ADAMTSL3: variants seen among roughly 807,000 people sequenced by gnomAD.
The protein encoded by ADAMTSL3 is ADAMTS-like protein 3.
A neutral mutation model predicts 201.7 loss-of-function variants in ADAMTSL3; 128 were observed. The ratio of observed to expected loss-of-function variants is 0.63; its 90% CI spans 0.55 to 0.73. The LOEUF is 0.73. ADAMTSL3 is among the 30% of genes least tolerant of loss of function. ADAMTSL3 has a pLI of 0.00. For synonymous variants in ADAMTSL3, 738 were observed against 748.4 expected, an observed-to-expected ratio of 0.99 and a Z score of 0.23; for missense variants, 1,990 against 2,119.6, an observed-to-expected ratio of 0.94 and a Z score of 1.20.
chr15:83,801,639 TATATAAATATAA>T (rs1217171252), intron 4 of ADAMTSL3, among the ~76,000 whole-genome samples: 3 of 29,986 alleles, frequency 1.0e-4, no homozygotes, highest in Admixed American at 5.6e-4. Context: ...TATATATAAA[TATATAAATATAA>T]ATATATATAT....
intron 23 of ADAMTSL3, among the ~76,000 whole-genome samples, chr15:84,006,887 A>G (rs567932643): frequency 3.9e-5 from 6 of 152,308 alleles, no homozygotes; most frequent in South Asian, 2.1e-4. Context: ...GGAGTTCACT[A>G]TGGGACTTAC....
At chr15:84,014,456 C>T in intron 23 of ADAMTSL3, 86 bp from the exon 24 acceptor site, 1 of 1,287,094 alleles carries the variant, frequency 7.8e-7, no homozygotes, top group Non-Finnish European at 1.1e-6. Context: ...GACTTACGGT[C>T]AAAACAGTGA....
rs1322123142 is a variant in ADAMTSL3 at position 83,917,415 on chromosome 15, G to GTGTA, written c.1987+4040_1987+4041insATGT. 1.1e-3 allele frequency among the ~76,000 whole-genome samples: 119 copies of GTGTA among 107,608 alleles called. 1 individual carries two copies. Among genetic ancestry groups the GTGTA allele is most frequent in the African/African-American group, 4.3e-3 (110 of 25,618 alleles). 70.6% of individuals were successfully genotyped at this position (107,608 alleles called of 152,430 possible). ...GACACCAATCTCCAGCTTCCAAAGT[G>GTGTA]TGTGTATGTATGTATGTATGTATGT... is the stretch of plus-strand genomic sequence containing the variant. On this transcript the variant is annotated intron_variant, in intron 16 of 29. Transcript: ENST00000286744.
intron 8 of ADAMTSL3, among the ~76,000 whole-genome samples, chr15:83,866,085 T>C (rs569187634): frequency 4.1e-4 from 63 of 152,254 alleles, no homozygotes; most frequent in African/African-American, 1.3e-3. Flanking sequence ...GTTAGAATGG[T>C]GATCATTAAA....
intron 4 of ADAMTSL3, among the ~76,000 whole-genome samples, chr15:83,791,654 C>T (rs952581708): frequency 8.2e-4 from 124 of 152,124 alleles, no homozygotes; most frequent in African/African-American, 3.0e-3. Flanking sequence ...GTCAGGAGAT[C>T]GAGACCATCC....
chr15:83,944,693 C>G (rs944082331), intron 19 of ADAMTSL3, among the ~76,000 whole-genome samples: 1 of 152,208 alleles, frequency 6.6e-6, no homozygotes, highest in South Asian at 2.1e-4. Context: ...GTATACACTC[C>G]TGTCTTTTAT....
intron 23 of ADAMTSL3, among the ~76,000 whole-genome samples, chr15:84,011,320 A>G (rs2068002388): frequency 6.6e-6 from 1 of 152,252 alleles, no homozygotes; most frequent in Non-Finnish European, 1.5e-5. Flanking sequence ...ATCATGCTTA[A>G]GAAAGAAACA....
At chr15:83,999,918 A>C (rs1039313414) in intron 23 of ADAMTSL3, among the ~76,000 whole-genome samples, 2 of 152,182 alleles carry the variant, frequency 1.3e-5, no homozygotes, top group African/African-American at 2.4e-5. Context: ...GTGGTGCAGC[A>C]GGATTATGTG....
At chr15:83,699,461 A>G (rs2061737181) in intron 2 of ADAMTSL3, among the ~76,000 whole-genome samples, 1 of 151,992 alleles carries the variant, frequency 6.6e-6, no homozygotes, top group Admixed American at 6.6e-5. Context: ...CCCCTTCTCT[A>G]CTGCCATCAT....
intron 21 of ADAMTSL3, among the ~76,000 whole-genome samples, chr15:83,987,040 C>T (rs2067493490): frequency 6.6e-6 from 1 of 152,104 alleles, no homozygotes; most frequent in Non-Finnish European, 1.5e-5. Flanking sequence ...CTGAAACCTA[C>T]AAAACAAAGG....
At chr15:83,695,859 T>C (rs2061681504) in intron 2 of ADAMTSL3, among the ~76,000 whole-genome samples, 1 of 152,114 alleles carries the variant, frequency 6.6e-6, no homozygotes, top group Non-Finnish European at 1.5e-5. Flanking sequence ...CAAAATGATC[T>C]GGAAGGTTTA....
chr15:83,786,915 A>T (rs565121075), intron 4 of ADAMTSL3, among the ~76,000 whole-genome samples: 2 of 152,176 alleles, frequency 1.3e-5, no homozygotes, highest in Non-Finnish European at 2.9e-5. Flanking sequence ...TTGAGAAGGG[A>T]TAATGACTTC....
intron 5 of ADAMTSL3, among the ~76,000 whole-genome samples, chr15:83,810,419 C>T (rs1216628475): frequency 6.6e-6 from 1 of 152,202 alleles, no homozygotes; most frequent in African/African-American, 2.4e-5. Flanking sequence ...CATGTGGGTG[C>T]ATTAGCAACC....
At chr15:83,797,695 A>G (rs1460328484) in intron 4 of ADAMTSL3, among the ~76,000 whole-genome samples, 1 of 152,236 alleles carries the variant, frequency 6.6e-6, no homozygotes, top group Non-Finnish European at 1.5e-5. Context: ...ACCTAGATGT[A>G]TAAAAATAAG....
intron 3 of ADAMTSL3, among the ~76,000 whole-genome samples, chr15:83,759,484 C>T (rs964304809): frequency 1.3e-5 from 2 of 152,172 alleles, no homozygotes; most frequent in African/African-American, 4.8e-5. Flanking sequence ...CTTGGCCTCC[C>T]AAAGTGCTGG....
intron 4 of ADAMTSL3, among the ~76,000 whole-genome samples, chr15:83,803,631 A>C (rs1193161359): frequency 6.6e-6 from 1 of 152,168 alleles, no homozygotes; most frequent in African/African-American, 2.4e-5. Flanking sequence ...ACAGACAAGC[A>C]CTGGACTGAG....
chr15:83,704,328 T>G, intron 2 of ADAMTSL3, 61 bp from the exon 3 acceptor site: 6 of 1,610,420 alleles, frequency 3.7e-6, no homozygotes, highest in Non-Finnish European at 5.1e-6. Context: ...CTTCTTGGAC[T>G]TTACCTGTCA....
At chr15:83,908,295 A>C (rs1376197785) in intron 15 of ADAMTSL3, among the ~76,000 whole-genome samples, 1 of 152,214 alleles carries the variant, frequency 6.6e-6, no homozygotes, top group Non-Finnish European at 1.5e-5. Context: ...AGTGGGCATA[A>C]TAATATTTCC....
chr15:83,899,730 AC>A lies in ADAMTSL3; in HGVS notation c.1700del (p.Thr567SerfsTer23). 6.2e-7 allele frequency: 1 copy of A among 1,610,390 alleles called. No homozygotes were observed. Among genetic ancestry groups the A allele is most frequent in the Non-Finnish European group, 8.5e-7 (1 of 1,177,766 alleles). On this transcript the variant is annotated frameshift_variant and splice_region_variant, in exon 15 of 30. Coordinates refer to ENST00000286744, the MANE Select transcript of ADAMTSL3 (RefSeq NM_207517.3). LOFTEE classifies it high-confidence loss of function. Reference sequence around the variant, plus strand: ...GACCAGAATAGCAACAGAAGAACCAACGTGAGTCCAGGACCTTTTGTAGGAA... The same window carrying A: ...GACCAGAATAGCAACAGAAGAACCAAGTGAGTCCAGGACCTTTTGTAGGAA... ...EETRIATEEP[T>X]FIPEPWSACS...
Sources: gnomAD v4.1 joint callset for allele counts (sites outside exome capture counted in the v4.1 genomes callset) on GRCh38, gnomAD v4.1.1 for gene constraint, MANE v1.5 for transcripts, NCBI Gene and HGNC (gene_info 2026-07-23, HGNC 2026-07-21) for gene names.